CACNA1S: variants seen among roughly 807,000 people sequenced by gnomAD.
CACNA1S encodes calcium voltage-gated channel subunit alpha1 S.
A neutral mutation model predicts 207.4 loss-of-function variants in CACNA1S; 126 were observed. The ratio of observed to expected loss-of-function variants is 0.61; its 90% confidence interval spans 0.53 to 0.70. The LOEUF is 0.70. Ranked by LOEUF, CACNA1S falls within the 30% of genes least tolerant of loss-of-function variation. CACNA1S has a pLI of 0.00. For synonymous variants in CACNA1S, 960 were observed against 932.7 expected (o/e 1.03, Z -0.53); for missense variants, 2,349 against 2,422.8 (o/e 0.97, Z 0.64).
intron 29 of CACNA1S, among the ~76,000 whole-genome samples, 195 bp downstream of exon 29, chr1:201,054,310 A>G (rs766646737): frequency 3.9e-5 from 6 of 152,136 alleles, no homozygotes; most frequent in Non-Finnish European, 7.3e-5. Context: ...GGAAGCCGCT[A>G]TATCCATGCA....
chr1:201,065,648 G>A (rs781518305), intron 22 of CACNA1S, among the ~76,000 whole-genome samples, 190 bp downstream of exon 22: 1 of 152,220 alleles, frequency 6.6e-6, no homozygotes, highest in Non-Finnish European at 1.5e-5. Context: ...ATGTAACGAT[G>A]TCTTACTGGC....
chr1:201,099,561 C>G (rs1022172180), intron 2 of CACNA1S, among the ~76,000 whole-genome samples: 2 of 152,182 alleles, frequency 1.3e-5, no homozygotes, highest in Admixed American at 6.5e-5. Flanking sequence ...GTTGTTAACT[C>G]TTTAAGGCAC....
intron 2 of CACNA1S, among the ~76,000 whole-genome samples, chr1:201,108,812 T>A (rs1662993544): frequency 6.6e-6 from 1 of 152,148 alleles, no homozygotes; most frequent in African/African-American, 2.4e-5. Flanking sequence ...GGCCCTGCAG[T>A]TTCAGTGCAG....
rs761214441 is a variant in CACNA1S at position 201,043,468 on chromosome 1, CG to C, written c.4860del (p.Val1621SerfsTer13). ...NFLERTNSLP[P>X]VMANQRPLQF... is the part of the protein sequence containing the mutation. Reference sequence around the variant, plus strand: ...TGGAGGGGTCTCTGATTGGCCATGACGGGGGGCAGGGAGTTGGTCCTTTCCA... The same window carrying C: ...TGGAGGGGTCTCTGATTGGCCATGACGGGGGCAGGGAGTTGGTCCTTTCCA... On this transcript the variant is annotated frameshift_variant, in exon 40 of 44. Transcript: ENST00000362061. LOFTEE classifies it high-confidence loss of function. 6 of 1,613,808 alleles carry C rather than the reference CG, an allele frequency of 3.7e-6. No homozygotes were observed. In the South Asian group the frequency reaches 4.4e-5, roughly 12 times the overall value.
At chr1:201,041,752 C>G in intron 40 of CACNA1S, 163 bp from the exon 41 acceptor site, 1 of 690,458 alleles carries the variant, frequency 1.4e-6, no homozygotes. Context: ...TGTGCCCCAG[C>G]CAGCCCTGAC....
At chr1:201,067,408 C>T (rs902664085) in intron 19 of CACNA1S, among the ~76,000 whole-genome samples, 2 of 152,144 alleles carry the variant, frequency 1.3e-5, no homozygotes, top group African/African-American at 4.8e-5. Context: ...CTCTAGGGGT[C>T]CTAGGCCCTC....
At chr1:201,052,943 G>A (rs755493548) in intron 31 of CACNA1S, among the ~76,000 whole-genome samples, 28 of 152,080 alleles carry the variant, frequency 1.8e-4, no homozygotes, top group Non-Finnish European at 3.5e-4. Flanking sequence ...GTAGACAGAG[G>A]CCACCCAGGG....
intron 25 of CACNA1S, 66 bp downstream of exon 25, chr1:201,061,201 A>C: frequency 6.9e-7 from 1 of 1,449,140 alleles, no homozygotes; most frequent in Non-Finnish European, 9.7e-7. Context: ...GGCTGAACCT[A>C]GGGCTTGGGC....
chr1:201,074,170 C>A (rs1661521367), intron 14 of CACNA1S, among the ~76,000 whole-genome samples: 1 of 139,616 alleles, frequency 7.2e-6, no homozygotes, highest in Admixed American at 7.1e-5. Flanking sequence ...AGAACTCCAA[C>A]CCCGCCCAGA....
intron 40 of CACNA1S, 21 bp downstream of exon 40, chr1:201,043,260 G>T: frequency 1.2e-6 from 2 of 1,613,996 alleles, no homozygotes; most frequent in Non-Finnish European, 1.7e-6. Flanking sequence ...TACACCCAGG[G>T]ATGGCAGTGG....
At chr1:201,046,050 G>A (rs1412515349) in intron 38 of CACNA1S, among the ~76,000 whole-genome samples, 1 of 151,984 alleles carries the variant, frequency 6.6e-6, no homozygotes. Flanking sequence ...GTATTTGGGG[G>A]TTTTATAAAT....
At chr1:201,049,139 C>A in intron 34 of CACNA1S, 40 bp from the exon 35 acceptor site, 1 of 1,415,534 alleles carries the variant, frequency 7.1e-7, no homozygotes, top group Non-Finnish European at 9.8e-7. Context: ...TGCTACCCTC[C>A]TCCGCTGCCA....
At chr1:201,049,243 C>T (rs909674112) in intron 34 of CACNA1S, 144 bp from the exon 35 acceptor site, 3 of 644,214 alleles carry the variant, frequency 4.7e-6, no homozygotes, top group Non-Finnish European at 8.3e-6. Context: ...GAAGTGGGAG[C>T]CCAGCTCCCT....
At chr1:201,041,326 C>T (rs564611503) in intron 41 of CACNA1S, among the ~76,000 whole-genome samples, 178 bp downstream of exon 41, 2 of 152,214 alleles carry the variant, frequency 1.3e-5, no homozygotes, top group Non-Finnish European at 2.9e-5. Flanking sequence ...CTGCTTCCCC[C>T]CTGGACAAGT....
intron 23 of CACNA1S, 78 bp downstream of exon 23, chr1:201,062,384 C>T (rs945579312): frequency 2.0e-5 from 28 of 1,412,250 alleles, no homozygotes; most frequent in Middle Eastern, 2.0e-4. Flanking sequence ...AACCCTCCCA[C>T]AGTGCTCCCT....
intron 2 of CACNA1S, among the ~76,000 whole-genome samples, chr1:201,105,884 G>A (rs1662861603): frequency 6.6e-6 from 1 of 152,104 alleles, no homozygotes; most frequent in Non-Finnish European, 1.5e-5. Flanking sequence ...CGCACACACG[G>A]CAACTGAGGG....
Position 201,053,395 on chromosome 1 carries a change from G to A in CACNA1S, c.3795+64C>T. ...CAGGGCTCCCCTGGGGCCCACCCTGGGCTGAGGCAGATGTCCCTAGTGGCC... is the reference window on the plus strand; with the variant it reads ...CAGGGCTCCCCTGGGGCCCACCCTGAGCTGAGGCAGATGTCCCTAGTGGCC... On this transcript the variant is annotated intron_variant, in intron 30 of 43. Transcript: ENST00000362061. This position sits in a 1 kb window ranked among gnomAD's most constrained non-coding sequence, Gnocchi z 5.1. 3.7e-6 allele frequency: 6 copies of A among 1,613,598 alleles called. No individual in the cohort carries two copies. Among genetic ancestry groups the A allele is most frequent in the Non-Finnish European group, 4.2e-6 (5 of 1,179,572 alleles).
chr1:201,068,864 A>C (rs1661349951), intron 19 of CACNA1S, among the ~76,000 whole-genome samples: 1 of 152,088 alleles, frequency 6.6e-6, no homozygotes, highest in Non-Finnish European at 1.5e-5. Flanking sequence ...GAGTGAGACG[A>C]CATCTAAAAA....
At chr1:201,092,343 C>A (rs1260869903) in intron 3 of CACNA1S, among the ~76,000 whole-genome samples, 1 of 152,160 alleles carries the variant, frequency 6.6e-6, no homozygotes, top group African/African-American at 2.4e-5. Context: ...GAGTATGGTG[C>A]TCCACTTGTG....
Sources: allele counts gnomAD v4.1 joint callset (sites outside exome capture counted in the v4.1 genomes callset), GRCh38; gene constraint gnomAD v4.1.1; non-coding constraint Gnocchi (gnomAD v3.1); transcripts MANE v1.5; gene names NCBI Gene and HGNC (gene_info 2026-07-23, HGNC 2026-07-21).